Variants in KIFAP3 observed in about 807,000 individuals in gnomAD.
KIFAP3 encodes the protein kinesin-associated protein 3.
A neutral mutation model predicts 106.5 loss-of-function variants in KIFAP3; 68 were observed. That is an observed-to-expected ratio of 0.64 (90% CI 0.53 to 0.78). KIFAP3 has a LOEUF of 0.78. Among genes scored for constraint, KIFAP3 ranks in the 30% least tolerant of loss-of-function variants. KIFAP3 has a pLI of 0.00. For missense variants in KIFAP3, 780 were observed against 941.8 expected, an observed-to-expected ratio of 0.83 and a Z score of 2.25; for synonymous variants, 320 against 311.5, an observed-to-expected ratio of 1.03 and a Z score of -0.29.
chr1:169,936,423 G>T (rs1338122388), intron 19 of KIFAP3, among the ~76,000 whole-genome samples: 3 of 151,788 alleles, frequency 2.0e-5, no homozygotes, highest in Non-Finnish European at 4.4e-5. Context: ...ACAAAAAGCT[G>T]CTGTTTCGAC....
At chr1:170,044,644 T>C (rs1288552734) in intron 3 of KIFAP3, among the ~76,000 whole-genome samples, 1 of 152,078 alleles carries the variant, frequency 6.6e-6, no homozygotes. Context: ...CACAATAAAA[T>C]GGAGATACTT....
upstream of KIFAP3, among the ~76,000 whole-genome samples, chr1:170,077,275 C>T (rs1339450482): frequency 6.6e-6 from 1 of 152,234 alleles, no homozygotes; most frequent in African/African-American, 2.4e-5. Flanking sequence ...TGAATAGGCA[C>T]ATACTCTAAA....
rs1669009457 is a variant in KIFAP3 at position 170,024,437 on chromosome 1, A to G, written c.1001T>C (p.Met334Thr). 1 of 1,587,940 alleles carries G rather than the reference A, an allele frequency of 6.3e-7. No homozygotes were observed. Among genetic ancestry groups the G allele is most frequent in the Non-Finnish European group, 8.6e-7 (1 of 1,168,684 alleles). The change falls in exon 9 of 20, where the codon ATG (methionine) becomes ACG (threonine). Residue 334 changes from methionine to threonine, a missense_variant. Physicochemically the swap from Met to Thr is moderately conservative, Grantham distance 81. Coordinates refer to ENST00000361580, the MANE Select transcript of KIFAP3 (RefSeq NM_014970.4). ...AGTTACCATATCATTTTTATTCTCC[A>G]TAAAAATGCTGAGTTTCTTCAAGAA... ...VSFLKKLSIF[M>T]ENKNDMVEMD... is the part of the protein sequence containing the mutation.
rs562866209 is a variant in KIFAP3 at position 170,032,242 on chromosome 1, T to C, written c.743-258A>G. The C allele has an allele frequency of 2.4e-5, 7 of 290,778 alleles. 1 individual carries two copies. Among genetic ancestry groups the C allele is most frequent in the East Asian group, 6.0e-5 (1 of 16,806 alleles). The allele number at this position is 290,778 out of a possible 1,614,324, so 18.0% of individuals were successfully genotyped here. The stretch of plus-strand genomic sequence containing the variant: ...CCCACAGCTAACATCATATAGATAT[T>C]TGAACCTCACCAAATACTTGAATTC... On this transcript the variant is annotated intron_variant, in intron 7 of 19. Coordinates refer to ENST00000361580, the MANE Select transcript of KIFAP3 (RefSeq NM_014970.4).
intron 10 of KIFAP3, among the ~76,000 whole-genome samples, chr1:170,006,158 C>A (rs1419035313): frequency 6.6e-6 from 1 of 152,186 alleles, no homozygotes; most frequent in Non-Finnish European, 1.5e-5. Flanking sequence ...GATCAACTGA[C>A]TTGCCTAAAG....
At chr1:169,928,695 T>A (rs1345572355) in intron 19 of KIFAP3, among the ~76,000 whole-genome samples, 1 of 2,086 alleles carries the variant, frequency 4.8e-4, no homozygotes, top group Admixed American at 9.3e-3. Flanking sequence ...TGAGACCCTG[T>A]CTCCAAAAAA....
chr1:170,005,043 C>T (rs1377130974), intron 10 of KIFAP3, among the ~76,000 whole-genome samples: 3 of 151,902 alleles, frequency 2.0e-5, no homozygotes, highest in Admixed American at 1.3e-4. Flanking sequence ...AAAAAGTGGG[C>T]AAAGGATATG....
chr1:169,965,897 C>A (rs967338704), intron 17 of KIFAP3, among the ~76,000 whole-genome samples: 2 of 151,922 alleles, frequency 1.3e-5, no homozygotes, highest in South Asian at 2.1e-4. Flanking sequence ...TAAAACTGAT[C>A]TTCCAAGGCA....
intron 10 of KIFAP3, among the ~76,000 whole-genome samples, chr1:170,016,259 C>T (rs1300033077): frequency 6.6e-6 from 1 of 151,952 alleles, no homozygotes; most frequent in Non-Finnish European, 1.5e-5. Context: ...TTAAAAGTTG[C>T]TATTTTATTT....
intron 10 of KIFAP3, among the ~76,000 whole-genome samples, chr1:170,003,036 A>G (rs188118435): frequency 4.6e-5 from 7 of 152,304 alleles, no homozygotes; most frequent in Non-Finnish European, 8.8e-5. Flanking sequence ...TTCTCAAACT[A>G]TCTGTGGTGG....
intron 10 of KIFAP3, among the ~76,000 whole-genome samples, chr1:170,008,512 T>C (rs1207147391): frequency 6.6e-6 from 1 of 151,708 alleles, no homozygotes; most frequent in Non-Finnish European, 1.5e-5. Flanking sequence ...AACAAACATA[T>C]GAAAAAAAGC....
chr1:170,011,204 AGATT>A (rs1003036328), intron 10 of KIFAP3, among the ~76,000 whole-genome samples: 2 of 152,024 alleles, frequency 1.3e-5, no homozygotes, highest in African/African-American at 4.8e-5. Flanking sequence ...AAAATAATTT[AGATT>A]GTCTACTATT....
At chr1:170,075,493 A>G (rs894409642), upstream of KIFAP3, among the ~76,000 whole-genome samples, 5 of 152,160 alleles carry the variant, frequency 3.3e-5, no homozygotes, top group Admixed American at 2.6e-4. Flanking sequence ...CTGTTTTCCC[A>G]GTTGCTTTGA....
At chr1:169,934,866 TA>T (rs1477421458) in intron 19 of KIFAP3, among the ~76,000 whole-genome samples, 1 of 152,122 alleles carries the variant, frequency 6.6e-6, no homozygotes, top group Non-Finnish European at 1.5e-5. Context: ...TGGCAAACAG[TA>T]TCTCCCTTCC....
Position 170,042,360 on chromosome 1 carries a change from C to G in KIFAP3, c.320-3072G>C, listed in dbSNP as rs554512005. ...TAAGAGAATCCAGGAACCTGACAAG[C>G]TGGCAACAGGGTAGTAAGAATCATT... is the stretch of plus-strand genomic sequence containing the variant. On this transcript the variant is annotated intron_variant, in intron 3 of 19. Coordinates refer to ENST00000361580, the MANE Select transcript of KIFAP3 (RefSeq NM_014970.4). 1.3e-4 allele frequency among the ~76,000 whole-genome samples: 20 copies of G among 152,282 alleles called. No homozygotes were observed. In the East Asian group the frequency reaches 3.3e-3, roughly 25 times the overall value.
At chr1:170,065,374 G>A (rs1041127685) in intron 1 of KIFAP3, among the ~76,000 whole-genome samples, 1 of 152,016 alleles carries the variant, frequency 6.6e-6, no homozygotes, top group Non-Finnish European at 1.5e-5. Context: ...AGCATTTTGG[G>A]AAGCCGAGGT....
chr1:170,000,576 GACAT>G (rs1667615593), intron 10 of KIFAP3, among the ~76,000 whole-genome samples: 1 of 152,064 alleles, frequency 6.6e-6, no homozygotes, highest in Non-Finnish European at 1.5e-5. Flanking sequence ...ACTACACACT[GACAT>G]AGACTAAAAA....
At chr1:170,061,679 T>C (rs1407223694) in intron 1 of KIFAP3, among the ~76,000 whole-genome samples, 1 of 152,126 alleles carries the variant, frequency 6.6e-6, no homozygotes, top group Non-Finnish European at 1.5e-5. Flanking sequence ...ACACAAAGGA[T>C]TATAAATCAT....
intron 19 of KIFAP3, among the ~76,000 whole-genome samples, chr1:169,941,367 C>T (rs573000920): frequency 1.8e-4 from 27 of 152,282 alleles, no homozygotes; most frequent in South Asian, 4.1e-4. Flanking sequence ...CTCTTTTTAT[C>T]AGGAGATCTG....
Sources: allele counts gnomAD v4.1 joint callset (sites outside exome capture counted in the v4.1 genomes callset), GRCh38; gene constraint gnomAD v4.1.1; transcripts MANE v1.5; gene names NCBI Gene and HGNC (gene_info 2026-07-23, HGNC 2026-07-21).